SCAPER: variants seen among roughly 807,000 people sequenced by gnomAD.
SCAPER encodes the protein S-phase cyclin A associated protein in the ER.
SCAPER carries 98 observed loss-of-function variants against 182.2 expected under a neutral mutation model. The observed-to-expected ratio is 0.54, with a 90% CI of 0.46 to 0.64. The LOEUF (loss-of-function observed/expected upper bound fraction) is 0.64, where lower values mean the gene tolerates loss of function less well. Ranked by LOEUF, SCAPER falls within the 30% of genes least tolerant of loss-of-function variation. SCAPER has a pLI of 0.00. For missense variants in SCAPER, 1,432 were observed against 1,690.0 expected (o/e 0.85, Z 2.68); for synonymous variants, 605 against 564.6 (o/e 1.07, Z -1.01).
At chr15:76,460,737 C>T (rs1020865848) in intron 25 of SCAPER, among the ~76,000 whole-genome samples, 1 of 152,094 alleles carries the variant, frequency 6.6e-6, no homozygotes, top group South Asian at 2.1e-4. Flanking sequence ...ACATTAATTC[C>T]TATTGATGTA....
chr15:76,541,579 TAAC>T (rs969470220), intron 23 of SCAPER, among the ~76,000 whole-genome samples: 1 of 152,214 alleles, frequency 6.6e-6, no homozygotes, highest in African/African-American at 2.4e-5. Flanking sequence ...ACTTGCTAGT[TAAC>T]AGGAGAATTA....
At chr15:76,437,441 T>C (rs542008544) in intron 25 of SCAPER, among the ~76,000 whole-genome samples, 25 of 152,326 alleles carry the variant, frequency 1.6e-4, no homozygotes, top group Non-Finnish European at 2.4e-4. Context: ...TACTAGAATA[T>C]TAGTAAGGCC....
intron 5 of SCAPER, among the ~76,000 whole-genome samples, chr15:76,809,733 G>T (rs1307289032): frequency 6.6e-6 from 1 of 152,128 alleles, no homozygotes; most frequent in African/African-American, 2.4e-5. Flanking sequence ...TGAGGAACTA[G>T]AAATCAAAAT....
intron 8 of SCAPER, among the ~76,000 whole-genome samples, chr15:76,777,613 G>A (rs1352381751): frequency 6.6e-6 from 1 of 152,200 alleles, no homozygotes; most frequent in African/African-American, 2.4e-5. Flanking sequence ...AGAATCGCTT[G>A]GACCTGGGAT....
rs180990581 is a variant in SCAPER at position 76,587,197 on chromosome 15, T to C, written c.2712-12913A>G. 1.3e-3 allele frequency among the ~76,000 whole-genome samples: 203 copies of C among 152,204 alleles called. 1 individual carries two copies. The highest frequency in any genetic ancestry group is 4.3e-3 in the African/African-American group (179 of 41,568). ...AGCTTATTTGGATCTTCCCAATCAA[T>C]AGAATGGTCTGTTGATTTTATTTAT... On this transcript the variant is annotated intron_variant, in intron 22 of 31. Transcript: ENST00000563290.
At chr15:76,409,191 T>A (rs2045093452) in intron 26 of SCAPER, among the ~76,000 whole-genome samples, 1 of 152,110 alleles carries the variant, frequency 6.6e-6, no homozygotes, top group Non-Finnish European at 1.5e-5. Context: ...ATCTCATTGT[T>A]TTGAGGGAAG....
rs547703069 is a variant in SCAPER at position 76,393,016 on chromosome 15, A to C, written c.3468-11401T>G. On this transcript the variant is annotated intron_variant, in intron 27 of 31. Transcript: ENST00000563290. The stretch of plus-strand genomic sequence containing the variant: ...CCAGCCAGTTCCCTTTCTGCCTAGC[A>C]CATAGTGAGCACTCATGTGAACTGT... Among the ~76,000 whole-genome samples, 5 of 152,318 alleles carry C rather than the reference A, an allele frequency of 3.3e-5. No homozygotes were observed. The South Asian group carries it at 1.0e-3, about 32-fold the overall frequency.
At chr15:76,401,467 C>T (rs2044451139) in intron 27 of SCAPER, among the ~76,000 whole-genome samples, 2 of 152,206 alleles carry the variant, frequency 1.3e-5, no homozygotes, top group Non-Finnish European at 2.9e-5. Flanking sequence ...ATCCTTCTGC[C>T]TCTAGGCTTG....
intron 21 of SCAPER, among the ~76,000 whole-genome samples, chr15:76,624,708 A>G (rs1000809626): frequency 6.6e-6 from 1 of 152,206 alleles, no homozygotes; most frequent in African/African-American, 2.4e-5. Flanking sequence ...GGACACCTCA[A>G]GCCCCAGTAG....
At chr15:76,774,347 A>ACC in intron 9 of SCAPER, 1 of 368,084 alleles carries the variant, frequency 2.7e-6, no homozygotes, top group Non-Finnish European at 5.2e-6. Context: ...ATATCCAATG[A>ACC]AAGATATTAA....
intron 25 of SCAPER, among the ~76,000 whole-genome samples, chr15:76,467,569 T>G (rs577553857): frequency 2.6e-5 from 4 of 152,064 alleles, no homozygotes; most frequent in Non-Finnish European, 5.9e-5. Flanking sequence ...CGAATTAAAC[T>G]TCTTCCCTCA....
chr15:76,382,304 C>A (rs2042994073), intron 27 of SCAPER, among the ~76,000 whole-genome samples: 1 of 151,876 alleles, frequency 6.6e-6, no homozygotes, highest in Non-Finnish European at 1.5e-5. Context: ...AATAGTAAAG[C>A]AGCAGGGGTA....
chr15:76,493,150 T>C (rs1308052805), intron 24 of SCAPER, among the ~76,000 whole-genome samples: 1 of 152,198 alleles, frequency 6.6e-6, no homozygotes. Flanking sequence ...GAATCTTCAC[T>C]GTGGGGATAT....
At chr15:76,597,167 G>A (rs1314857540) in intron 22 of SCAPER, among the ~76,000 whole-genome samples, 28 of 115,832 alleles carry the variant, frequency 2.4e-4, no homozygotes, top group East Asian at 6.9e-4. Flanking sequence ...CACCAATAAT[G>A]GACAGAGAGT....
chr15:76,742,309 A>G (rs953583747), intron 15 of SCAPER, among the ~76,000 whole-genome samples: 3 of 151,728 alleles, frequency 2.0e-5, no homozygotes, highest in Non-Finnish European at 4.4e-5. Flanking sequence ...AAAATAGGTA[A>G]TCTATAAAAC....
intron 22 of SCAPER, among the ~76,000 whole-genome samples, chr15:76,609,320 T>C (rs1409477227): frequency 4.3e-5 from 6 of 139,676 alleles, no homozygotes; most frequent in Non-Finnish European, 8.0e-5. Context: ...TGAGATCTTT[T>C]CTCTTAAAAA....
intron 21 of SCAPER, among the ~76,000 whole-genome samples, chr15:76,656,400 C>T (rs960249568): frequency 2.6e-5 from 4 of 152,158 alleles, no homozygotes; most frequent in Non-Finnish European, 5.9e-5. Context: ...ATTCATAAAA[C>T]AAGTTCTTAT....
At chr15:76,729,323 CACAT>C (rs1011972455) in intron 16 of SCAPER, among the ~76,000 whole-genome samples, 34 of 151,486 alleles carry the variant, frequency 2.2e-4, no homozygotes, top group African/African-American at 6.8e-4. Context: ...CACACACACA[CACAT>C]ATACATATAT....
At chr15:76,606,751 A>T (rs1443297881) in intron 22 of SCAPER, among the ~76,000 whole-genome samples, 4 of 151,706 alleles carry the variant, frequency 2.6e-5, no homozygotes, top group African/African-American at 7.3e-5. Flanking sequence ...TGTTGAATTG[A>T]TCCCTTTACC....
Sources: gnomAD v4.1 joint callset for allele counts (sites outside exome capture counted in the v4.1 genomes callset) on GRCh38, gnomAD v4.1.1 for gene constraint, MANE v1.5 for transcripts, NCBI Gene and HGNC (gene_info 2026-07-23, HGNC 2026-07-21) for gene names.